The following DNAH3 variants were observed in gnomAD, a reference collection of about 807,000 sequenced individuals.
DNAH3 encodes axonemal beta dynein heavy chain 3.
In DNAH3, 332 loss-of-function variants were observed where a neutral mutation model predicts 432.5. That is an observed-to-expected ratio of 0.77 (90% confidence interval 0.70 to 0.84). The LOEUF (loss-of-function observed/expected upper bound fraction) is 0.84, where lower values mean the gene tolerates loss of function less well. Ranked by LOEUF, DNAH3 falls within the 40% of genes least tolerant of loss-of-function variation. The pLI is 0.00. For synonymous variants in DNAH3, 1,956 were observed against 1,900.2 expected (o/e 1.03, Z -0.76); for missense variants, 4,861 against 5,114.0 (o/e 0.95, Z 1.51).
At chr16:20,962,937 G>C (rs529222832) in intron 53 of DNAH3, among the ~76,000 whole-genome samples, 1 of 152,168 alleles carries the variant, frequency 6.6e-6, no homozygotes, top group Non-Finnish European at 1.5e-5. Context: ...GGGATTACAG[G>C]CATAAGCCAC....
At chr16:20,971,903 G>A (rs1198017708) in intron 51 of DNAH3, among the ~76,000 whole-genome samples, 1 of 152,216 alleles carries the variant, frequency 6.6e-6, no homozygotes, top group Admixed American at 6.5e-5. Flanking sequence ...GGCTACAAAT[G>A]TTACATGTTT....
chr16:21,106,443 T>C (rs1384590344), intron 15 of DNAH3, 47 bp downstream of exon 15: 1 of 1,391,304 alleles, frequency 7.2e-7, no homozygotes, highest in Admixed American at 2.1e-5. Context: ...ATATAAAATA[T>C]ACATATAGGT....
chr16:21,068,464 C>T (rs954590668), intron 23 of DNAH3, among the ~76,000 whole-genome samples: 4 of 152,106 alleles, frequency 2.6e-5, no homozygotes, highest in Non-Finnish European at 5.9e-5. Flanking sequence ...CAGGTGCACA[C>T]CACCATACCC....
chr16:21,052,798 T>C (rs2090002979), intron 28 of DNAH3, among the ~76,000 whole-genome samples: 1 of 152,154 alleles, frequency 6.6e-6, no homozygotes. Flanking sequence ...AGTATAACCC[T>C]TTTGGTCCCA....
intron 60 of DNAH3, among the ~76,000 whole-genome samples, chr16:20,936,296 G>A (rs1478622305): frequency 6.6e-6 from 1 of 151,976 alleles, no homozygotes; most frequent in Non-Finnish European, 1.5e-5. Flanking sequence ...GAGACTACAG[G>A]CATAAGCCAC....
chr16:21,112,155 T>C (rs977719211), intron 12 of DNAH3, 57 bp from the exon 13 acceptor site: 6 of 1,167,128 alleles, frequency 5.1e-6, no homozygotes, highest in Middle Eastern at 4.8e-4. Context: ...CCAAATCAGA[T>C]GAGTCAGAGT....
chr16:21,158,615 G>C (rs1056118188), intron 1 of DNAH3: 1 of 152,410 alleles, frequency 6.6e-6, no homozygotes. Context: ...GGCGGTGCCC[G>C]GGCCAGGGGG....
intron 9 of DNAH3, among the ~76,000 whole-genome samples, chr16:21,124,860 G>C (rs533197924): frequency 6.6e-6 from 1 of 152,304 alleles, no homozygotes; most frequent in African/African-American, 2.4e-5. Context: ...ATGATGGCCA[G>C]GCTGGTCTTG....
chr16:20,987,528 G>C, intron 46 of DNAH3, 80 bp from the exon 47 acceptor site: 2 of 1,576,766 alleles, frequency 1.3e-6, no homozygotes, highest in Non-Finnish European at 8.7e-7. Flanking sequence ...GTAAGTCCTG[G>C]GGTTGATTTG....
chr16:20,954,876 T>A, exon 55 of DNAH3: 1 of 1,614,122 alleles, frequency 6.2e-7, no homozygotes. Context: ...CCAAATAACA[T>A]CTTTTGCCAC....
chr16:20,973,409 C>T (rs1367330978), intron 51 of DNAH3, among the ~76,000 whole-genome samples: 1 of 152,078 alleles, frequency 6.6e-6, no homozygotes, highest in Non-Finnish European at 1.5e-5. Flanking sequence ...TGTGCCACCA[C>T]ACCCAGCTAA....
At chr16:20,984,017 A>C (rs2086047990) in intron 48 of DNAH3, among the ~76,000 whole-genome samples, 1 of 135,648 alleles carries the variant, frequency 7.4e-6, no homozygotes, top group Non-Finnish European at 1.6e-5. Context: ...ACAGAGCAAG[A>C]CCCTATATCC....
intron 7 of DNAH3, among the ~76,000 whole-genome samples, chr16:21,128,687 CGT>C (rs2092491604): frequency 1.3e-5 from 1 of 78,436 alleles, no homozygotes; most frequent in African/African-American, 5.8e-5. Flanking sequence ...GAGCGAGACT[CGT>C]CTAAAAAAAA....
chr16:21,108,801 C>T (rs1000352225), intron 14 of DNAH3, among the ~76,000 whole-genome samples: 4 of 151,410 alleles, frequency 2.6e-5, no homozygotes, highest in African/African-American at 9.7e-5. Context: ...TGTCCTCGTC[C>T]CAAACCCATA....
exon 3 of DNAH3, chr16:21,145,362 C>T (rs150350489): frequency 9.3e-6 from 15 of 1,614,028 alleles, no homozygotes; most frequent in Middle Eastern, 1.6e-4. Context: ...AGGTCCATGA[C>T]GTGCGTTGCA....
chr16:20,961,672 A>C (rs1482826837), intron 53 of DNAH3, among the ~76,000 whole-genome samples: 2 of 151,916 alleles, frequency 1.3e-5, no homozygotes, highest in Non-Finnish European at 2.9e-5. Context: ...TCAGCAAGCC[A>C]ATCAGAGAGG....
intron 1 of DNAH3, among the ~76,000 whole-genome samples, chr16:21,152,347 T>A (rs1484601111): frequency 6.6e-6 from 1 of 152,260 alleles, no homozygotes; most frequent in Non-Finnish European, 1.5e-5. Context: ...CCGAGTCCAC[T>A]GCTCTTTCCA....
chr16:20,959,374 A>G, exon 54 of DNAH3: 1 of 1,613,222 alleles, frequency 6.2e-7, no homozygotes, highest in Non-Finnish European at 8.5e-7. Context: ...GGTACCTCCC[A>G]TACCAAGATC....
intron 9 of DNAH3, among the ~76,000 whole-genome samples, chr16:21,123,624 T>C (rs553133389): frequency 6.6e-6 from 1 of 152,356 alleles, no homozygotes; most frequent in East Asian, 1.9e-4. Flanking sequence ...TTACTTCATT[T>C]GGAAAACTTA....
Sources: gnomAD v4.1 joint callset for allele counts (sites outside exome capture counted in the v4.1 genomes callset) on GRCh38, gnomAD v4.1.1 for gene constraint, MANE v1.5 for transcripts, NCBI Gene and HGNC (gene_info 2026-07-23, HGNC 2026-07-21) for gene names.